MAGI2: variants seen among roughly 807,000 people sequenced by gnomAD.
MAGI2 encodes the protein membrane-associated guanylate kinase, WW and PDZ domain-containing protein 2.
In MAGI2, 35 loss-of-function variants were observed where a neutral mutation model predicts 133.3. The ratio of observed to expected loss-of-function variants is 0.26; its 90% CI spans 0.20 to 0.35. The LOEUF (loss-of-function observed/expected upper bound fraction) is 0.35, where lower values mean the gene tolerates loss of function less well. Among genes scored for constraint, MAGI2 ranks in the 10% least tolerant of loss-of-function variants. The probability of loss-of-function intolerance (pLI) is 1.00; values close to 1 mark genes in which losing one functional copy is unlikely to be tolerated. For missense variants in MAGI2, 1,636 were observed against 1,863.4 expected (o/e 0.88, Z 2.25); for synonymous variants, 729 against 710.6 (o/e 1.03, Z -0.41).
intron 1 of MAGI2, among the ~76,000 whole-genome samples, chr7:79,290,146 G>A (rs1051910043): frequency 6.6e-6 from 1 of 151,890 alleles, no homozygotes; most frequent in African/African-American, 2.4e-5. Flanking sequence ...CAACAAATGT[G>A]TTTAGTGACT....
chr7:78,424,153 T>G (rs1799059780), intron 6 of MAGI2, among the ~76,000 whole-genome samples: 1 of 152,088 alleles, frequency 6.6e-6, no homozygotes, highest in African/African-American at 2.4e-5. Flanking sequence ...CCCCCTGCTG[T>G]GTGCAGTCTA....
chr7:78,069,809 T>C (rs1585004711), intron 21 of MAGI2, among the ~76,000 whole-genome samples: 1 of 152,046 alleles, frequency 6.6e-6, no homozygotes, highest in African/African-American at 2.4e-5. Context: ...CCTGGACTCT[T>C]AGGGAAAGCA....
intron 2 of MAGI2, among the ~76,000 whole-genome samples, chr7:78,681,388 C>A (rs145879522): frequency 2.6e-4 from 39 of 152,280 alleles, no homozygotes; most frequent in African/African-American, 8.9e-4. Context: ...TTTATAATAA[C>A]AACAACTGTC....
intron 3 of MAGI2, among the ~76,000 whole-genome samples, chr7:78,556,046 A>G (rs1799793720): frequency 6.6e-6 from 1 of 152,198 alleles, no homozygotes; most frequent in African/African-American, 2.4e-5. Context: ...ATATGTTAGC[A>G]TATCTGGAAA....
chr7:78,498,160 G>T (rs941382033), intron 5 of MAGI2, among the ~76,000 whole-genome samples: 2 of 152,076 alleles, frequency 1.3e-5, no homozygotes, highest in Non-Finnish European at 2.9e-5. Flanking sequence ...CACAAAAAAC[G>T]ACTAGTATGT....
chr7:78,961,058 A>G (rs927310851), intron 2 of MAGI2, among the ~76,000 whole-genome samples: 1 of 152,036 alleles, frequency 6.6e-6, no homozygotes, highest in African/African-American at 2.4e-5. Context: ...CTTGGCATTT[A>G]TTTCAGGCCT....
chr7:78,281,078 T>C lies in MAGI2; in HGVS notation c.1409-24497A>G, dbSNP rs187890475. 5.5e-3 allele frequency among the ~76,000 whole-genome samples: 833 copies of C among 152,226 alleles called. 11 individuals carry two copies. Among genetic ancestry groups the C allele is most frequent in the African/African-American group, 0.019 (787 of 41,556 alleles). On this transcript the variant is annotated intron_variant, in intron 9 of 21. Transcript: ENST00000354212. ...TCTCTTCCTTTTCATTTTTCTAATCTAAGCTCAACTCTTTACATTTATTAA... is the reference window on the plus strand; with the variant it reads ...TCTCTTCCTTTTCATTTTTCTAATCCAAGCTCAACTCTTTACATTTATTAA...
chr7:78,804,790 G>C (rs1203805599), intron 2 of MAGI2, among the ~76,000 whole-genome samples: 1 of 126,872 alleles, frequency 7.9e-6, no homozygotes, highest in African/African-American at 3.1e-5. Context: ...CCCTTTGGCT[G>C]GGCACGGTGG....
At chr7:78,023,999 C>T (rs919578283) in intron 21 of MAGI2, among the ~76,000 whole-genome samples, 1 of 152,162 alleles carries the variant, frequency 6.6e-6, no homozygotes, top group Non-Finnish European at 1.5e-5. Context: ...AAATACTATA[C>T]CAGTTCATAT....
At chr7:78,823,609 C>G (rs1790361477) in intron 2 of MAGI2, among the ~76,000 whole-genome samples, 5 of 147,044 alleles carry the variant, frequency 3.4e-5, no homozygotes, top group South Asian at 4.3e-4. Flanking sequence ...AAAAGAAATA[C>G]GACACTGTCT....
chr7:79,104,856 C>A (rs1275110337), intron 1 of MAGI2, among the ~76,000 whole-genome samples: 1 of 152,108 alleles, frequency 6.6e-6, no homozygotes, highest in Non-Finnish European at 1.5e-5. Context: ...AGTGACACTG[C>A]TGGGTGTCTA....
intron 2 of MAGI2, among the ~76,000 whole-genome samples, chr7:78,783,651 G>A (rs553192811): frequency 2.1e-4 from 32 of 152,270 alleles, no homozygotes; most frequent in African/African-American, 7.5e-4. Context: ...GAATTACAGT[G>A]GGTGAATCCA....
intron 10 of MAGI2, among the ~76,000 whole-genome samples, chr7:78,243,724 A>G (rs1164560906): frequency 6.6e-6 from 1 of 152,184 alleles, no homozygotes; most frequent in Non-Finnish European, 1.5e-5. Context: ...TTATAGAACT[A>G]GGAAGAAAAG....
chr7:79,202,033 T>C (rs1828657066), intron 1 of MAGI2, among the ~76,000 whole-genome samples: 1 of 152,162 alleles, frequency 6.6e-6, no homozygotes, highest in African/African-American at 2.4e-5. Context: ...ATGATAACAC[T>C]ACTGGTATTG....
chr7:78,301,254 C>T (rs1444719873), intron 9 of MAGI2, among the ~76,000 whole-genome samples: 1 of 152,148 alleles, frequency 6.6e-6, no homozygotes, highest in Non-Finnish European at 1.5e-5. Flanking sequence ...GAGCTAGTGA[C>T]CCGGAGTCAG....
Position 78,994,682 on chromosome 7 carries a change from A to G in MAGI2, c.418+12408T>C, listed in dbSNP as rs532316973. 5.3e-5 allele frequency among the ~76,000 whole-genome samples: 8 copies of G among 152,150 alleles called. No homozygotes were observed. The South Asian group carries it at 1.4e-3, about 28-fold the overall frequency. ...AATTCTCCTCATCCATTTACTAGCT[A>G]TGTGGGTTTGGGGAAGGGTTTGTAT... On this transcript the variant is annotated intron_variant, in intron 2 of 21. Transcript: ENST00000354212.
At chr7:79,446,425 A>C (rs1467267138) in intron 1 of MAGI2, among the ~76,000 whole-genome samples, 3 of 152,182 alleles carry the variant, frequency 2.0e-5, no homozygotes, top group Non-Finnish European at 4.4e-5. Flanking sequence ...TGATATATCC[A>C]AAGTATAGCA....
At chr7:78,188,170 G>A (rs987983169) in intron 12 of MAGI2, among the ~76,000 whole-genome samples, 5 of 152,002 alleles carry the variant, frequency 3.3e-5, no homozygotes, top group African/African-American at 1.2e-4. Context: ...GTAATTTCCT[G>A]TTTCAAAAGG....
intron 2 of MAGI2, among the ~76,000 whole-genome samples, chr7:78,900,627 C>T (rs537166967): frequency 2.6e-5 from 4 of 152,282 alleles, no homozygotes; most frequent in Admixed American, 6.5e-5. Flanking sequence ...ATTATAACCC[C>T]TACTGTTGTC....
Sources: allele counts gnomAD v4.1 joint callset (sites outside exome capture counted in the v4.1 genomes callset), GRCh38; gene constraint gnomAD v4.1.1; transcripts MANE v1.5; gene names NCBI Gene and HGNC (gene_info 2026-07-23, HGNC 2026-07-21).